Variants in DCAF6 observed in about 807,000 individuals in gnomAD.
DCAF6 encodes DDB1- and CUL4-associated factor 6.
Under a neutral mutation model 125.1 loss-of-function variants are expected in DCAF6, and 54 were observed. That is an observed-to-expected ratio of 0.43 (90% CI 0.35 to 0.54). DCAF6 has a LOEUF of 0.54. DCAF6 is among the 20% of genes least tolerant of loss of function. DCAF6 has a pLI of 0.01. For synonymous variants in DCAF6, 371 were observed against 390.4 expected (o/e 0.95, Z 0.58); for missense variants, 934 against 1,161.7 (o/e 0.80, Z 2.85).
chr1:168,053,197 T>C (rs1175424857), intron 17 of DCAF6, among the ~76,000 whole-genome samples: 1 of 152,180 alleles, frequency 6.6e-6, no homozygotes, highest in African/African-American at 2.4e-5. Context: ...TGGGCCCTTA[T>C]ATATACCTAC....
chr1:168,059,130 T>G (rs61643149), intron 17 of DCAF6, among the ~76,000 whole-genome samples: 4,916 of 152,296 alleles, frequency 0.032, 197 homozygotes, highest in African/African-American at 0.095. Flanking sequence ...ATTTTAAAAT[T>G]TATCTGAATT....
the DCAF6 span, among the ~76,000 whole-genome samples, chr1:167,923,123 T>C: frequency 6.6e-6 from 1 of 152,176 alleles, no homozygotes; most frequent in Non-Finnish European, 1.5e-5. Context: ...AAATGTAAAA[T>C]AATGTAGTTG....
the DCAF6 span, among the ~76,000 whole-genome samples, chr1:167,883,793 T>C: frequency 3.2e-3 from 488 of 152,072 alleles, 1 homozygote; most frequent in Non-Finnish European, 4.9e-3. Flanking sequence ...GATGGAAATA[T>C]AATCAAAATC....
At chr1:167,995,177 AT>A (rs556368076) in intron 7 of DCAF6, among the ~76,000 whole-genome samples, 146 of 152,342 alleles carry the variant, frequency 9.6e-4, no homozygotes, top group Non-Finnish European at 1.8e-3. Flanking sequence ...TCAAACTGTG[AT>A]TGTTACATAA....
rs1680528832 is a variant in DCAF6 at position 167,989,542 on chromosome 1, T to C, written c.553-1662T>C. 2.0e-5 allele frequency among the ~76,000 whole-genome samples: 3 copies of C among 152,202 alleles called. No homozygotes were observed. In the South Asian group the frequency reaches 6.2e-4, roughly 32 times the overall value. On this transcript the variant is annotated intron_variant, in intron 5 of 21. Coordinates refer to ENST00000367840, the MANE Select transcript of DCAF6 (RefSeq NM_001198956.2). ...GAATTCTATGTAATGAGAGTAATGT[T>C]CTGAGATTAGTAATTGAACAAAGTA...
At chr1:167,916,282 C>A in the DCAF6 span, among the ~76,000 whole-genome samples, 3 of 152,232 alleles carry the variant, frequency 2.0e-5, no homozygotes, top group African/African-American at 7.2e-5. Context: ...TCTCAGCTCA[C>A]TGCAACCTCC....
At chr1:168,056,745 T>C (rs1690909804) in intron 17 of DCAF6, among the ~76,000 whole-genome samples, 1 of 152,238 alleles carries the variant, frequency 6.6e-6, no homozygotes, top group Non-Finnish European at 1.5e-5. Flanking sequence ...TATATCATTT[T>C]CCACACTTAC....
At chr1:167,879,772 T>C in the DCAF6 span, among the ~76,000 whole-genome samples, 2 of 152,196 alleles carry the variant, frequency 1.3e-5, no homozygotes, top group African/African-American at 2.4e-5. Flanking sequence ...TTCAGTAATA[T>C]CAACATTCAT....
the DCAF6 span, among the ~76,000 whole-genome samples, chr1:167,929,312 T>C: frequency 6.6e-6 from 1 of 151,992 alleles, no homozygotes; most frequent in Non-Finnish European, 1.5e-5. Context: ...TGAGCCGAGA[T>C]TGCACCATTG....
chr1:167,961,099 C>G (rs2102788035), intron 2 of DCAF6, among the ~76,000 whole-genome samples: 1 of 152,160 alleles, frequency 6.6e-6, no homozygotes, highest in Non-Finnish European at 1.5e-5. Flanking sequence ...TTTTGGAGTG[C>G]TAATGTAATG....
chr1:168,007,364 C>T (rs1683472883), intron 10 of DCAF6, among the ~76,000 whole-genome samples: 1 of 152,142 alleles, frequency 6.6e-6, no homozygotes, highest in South Asian at 2.1e-4. Flanking sequence ...ATCTCACATT[C>T]CCCTTCAGCT....
chr1:167,902,098 A>C, the DCAF6 span: 1 of 1,573,264 alleles, frequency 6.4e-7, no homozygotes, highest in African/African-American at 1.4e-5. Context: ...GATTCCTTAA[A>C]GGTAGTAAAA....
At chr1:167,906,889 AT>A in the DCAF6 span, among the ~76,000 whole-genome samples, 1 of 152,206 alleles carries the variant, frequency 6.6e-6, no homozygotes, top group Non-Finnish European at 1.5e-5. Flanking sequence ...ACCTAGAGGG[AT>A]TTTTAAAGGC....
intron 4 of DCAF6, among the ~76,000 whole-genome samples, chr1:167,982,006 C>T (rs1679241047): frequency 6.6e-6 from 1 of 152,182 alleles, no homozygotes; most frequent in Non-Finnish European, 1.5e-5. Context: ...TATAAGTATT[C>T]CTTTTTCTCT....
At chr1:167,958,673 A>G (rs1327374460) in intron 2 of DCAF6, among the ~76,000 whole-genome samples, 1 of 152,220 alleles carries the variant, frequency 6.6e-6, no homozygotes, top group Admixed American at 6.5e-5. Flanking sequence ...GTAAAATATC[A>G]GAACATTGTG....
At chr1:167,910,018 T>C in the DCAF6 span, among the ~76,000 whole-genome samples, 68 of 152,302 alleles carry the variant, frequency 4.5e-4, no homozygotes, top group South Asian at 1.0e-3. Flanking sequence ...TATGACCCTT[T>C]CACGTGGAAC....
intron 4 of DCAF6, among the ~76,000 whole-genome samples, chr1:167,977,208 G>GTT (rs532923328): frequency 2.2e-4 from 28 of 127,190 alleles, no homozygotes; most frequent in Admixed American, 2.4e-4. Flanking sequence ...CTGGGCCACA[G>GTT]TTTTTTTTTT....
chr1:168,045,807 G>A (rs1038240411), intron 16 of DCAF6, among the ~76,000 whole-genome samples: 1 of 152,072 alleles, frequency 6.6e-6, no homozygotes, highest in African/African-American at 2.4e-5. Context: ...TATTTTATGT[G>A]ATCACAAGGA....
chr1:168,068,688 C>T (rs1426191050), intron 21 of DCAF6, among the ~76,000 whole-genome samples: 1 of 152,014 alleles, frequency 6.6e-6, no homozygotes, highest in Non-Finnish European at 1.5e-5. Context: ...ACCAGAGTCA[C>T]GTAAAAACTC....
Sources: gnomAD v4.1 joint callset for allele counts (sites outside exome capture counted in the v4.1 genomes callset) on GRCh38, gnomAD v4.1.1 for gene constraint, MANE v1.5 for transcripts, NCBI Gene and HGNC (gene_info 2026-07-23, HGNC 2026-07-21) for gene names.